Variants in WDR44 observed in about 807,000 individuals in gnomAD.
WDR44 encodes WD repeat-containing protein 44.
Under a neutral mutation model 65.7 loss-of-function variants are expected in WDR44, and 9 were observed. The observed-to-expected ratio is 0.14, with a 90% confidence interval of 0.08 to 0.24. The LOEUF (loss-of-function observed/expected upper bound fraction) is 0.24, where lower values mean the gene tolerates loss of function less well. Among genes scored for constraint, WDR44 ranks in the 10% least tolerant of loss-of-function variants. WDR44 has a pLI of 1.00. For missense variants in WDR44, 425 were observed against 670.9 expected (o/e 0.63, Z 4.05); for synonymous variants, 220 against 235.2 (o/e 0.94, Z 0.59).
intron 8 of WDR44, among the ~76,000 whole-genome samples, chrX:118,401,822 T>C (rs937171606): frequency 1.9e-4 from 20 of 104,995 alleles, no homozygotes; most frequent in Non-Finnish European, 3.9e-4. Context: ...TTTAAATCTT[T>C]AATCCATCTT....
At chrX:118,423,380 G>A (rs977014063) in intron 12 of WDR44, among the ~76,000 whole-genome samples, 15 of 111,323 alleles carry the variant, frequency 1.3e-4, no homozygotes, top group African/African-American at 4.9e-4. Flanking sequence ...TGTTGATCAG[G>A]CTGGTCTCGA....
intron 1 of WDR44, among the ~76,000 whole-genome samples, chrX:118,351,714 C>T (rs1298495267): frequency 8.1e-5 from 9 of 111,402 alleles, no homozygotes; most frequent in Non-Finnish European, 1.5e-4. Context: ...GTTTGGGAGG[C>T]TGAGGCGGGT....
At chrX:118,396,880 T>C in intron 6 of WDR44, 90 bp from the exon 7 acceptor site, 1 of 1,007,488 alleles carries the variant, frequency 9.9e-7, no homozygotes, top group Non-Finnish European at 1.3e-6. Flanking sequence ...AAAAAGCCTT[T>C]AGCTTAAATT....
chrX:118,412,044 A>G (rs2057017190), intron 12 of WDR44, among the ~76,000 whole-genome samples: 1 of 112,387 alleles, frequency 8.9e-6, no homozygotes, highest in Non-Finnish European at 1.9e-5. Flanking sequence ...GATATTCTAC[A>G]GAAGGTACTA....
intron 1 of WDR44, among the ~76,000 whole-genome samples, chrX:118,363,929 C>G (rs1260600351): frequency 2.7e-5 from 3 of 111,868 alleles, no homozygotes; most frequent in African/African-American, 9.7e-5. Context: ...GTGAAAATTT[C>G]ATTTTTATTA....
intron 12 of WDR44, among the ~76,000 whole-genome samples, chrX:118,424,345 ATATG>A (rs199633665): frequency 0.031 from 2,879 of 92,541 alleles, 143 homozygotes; most frequent in East Asian, 0.087. Flanking sequence ...ATATATATAT[ATATG>A]TATATATATA....
At chrX:118,431,933 TTCA>T (rs2057215403) in intron 12 of WDR44, among the ~76,000 whole-genome samples, 1 of 111,899 alleles carries the variant, frequency 8.9e-6, no homozygotes, top group Non-Finnish European at 1.9e-5. Flanking sequence ...TACTAATTTC[TTCA>T]TCTTTATACT....
At chrX:118,351,688 G>C (rs943910857) in intron 1 of WDR44, among the ~76,000 whole-genome samples, 20 of 111,562 alleles carry the variant, frequency 1.8e-4, no homozygotes, top group African/African-American at 6.5e-4. Flanking sequence ...CATGACTCAC[G>C]CCTGTAATCT....
intron 2 of WDR44, among the ~76,000 whole-genome samples, chrX:118,382,898 A>G (rs753093694): frequency 8.9e-6 from 1 of 112,150 alleles, no homozygotes; most frequent in African/African-American, 3.2e-5. Context: ...ATAATGGGTC[A>G]GCACATCACC....
intron 12 of WDR44, among the ~76,000 whole-genome samples, chrX:118,429,613 A>G (rs1297904333): frequency 9.0e-6 from 1 of 110,960 alleles, no homozygotes; most frequent in Non-Finnish European, 1.9e-5. Flanking sequence ...AGATAAGGAA[A>G]TAGTCAAATG....
intron 12 of WDR44, among the ~76,000 whole-genome samples, chrX:118,415,339 C>CT (rs1478417359): frequency 2.7e-5 from 3 of 111,694 alleles, no homozygotes; most frequent in African/African-American, 9.8e-5. Flanking sequence ...CTGTAGTTTT[C>CT]TTTTTTGGTT....
chrX:118,353,002 A>C (rs2056427988), intron 1 of WDR44, among the ~76,000 whole-genome samples: 1 of 112,278 alleles, frequency 8.9e-6, no homozygotes, highest in South Asian at 3.7e-4. Context: ...AAGTTAAAGT[A>C]ACAAAAATTG....
intron 12 of WDR44, among the ~76,000 whole-genome samples, chrX:118,415,963 G>A (rs1215144046): frequency 9.0e-6 from 1 of 111,584 alleles, no homozygotes; most frequent in Non-Finnish European, 1.9e-5. Flanking sequence ...TCTAGTTTAT[G>A]TGCATAAAGG....
At chrX:118,351,937 G>A (rs1237008532) in intron 1 of WDR44, among the ~76,000 whole-genome samples, 1 of 100,361 alleles carries the variant, frequency 1.0e-5, no homozygotes, top group African/African-American at 3.8e-5. Flanking sequence ...GCAAGACTCC[G>A]TCTCAAAAAT....
At position 118,387,201 on chromosome X, in the gene WDR44, A is replaced by AG. The variant is rs1465055967; in HGVS notation, c.112-139_112-138insG. On this transcript the variant is annotated intron_variant, in intron 2 of 19. Coordinates refer to ENST00000254029, the MANE Select transcript of WDR44 (RefSeq NM_019045.5). ...TGTCTCAAAAAAAAAAAAAAAAAAA[A>AG]AAGAAGAAGAAGAAATCAAAGCCCT... 9 of 319,208 alleles carry AG rather than the reference A, an allele frequency of 2.8e-5. No individual in the cohort carries two copies. In the South Asian group the frequency reaches 5.1e-4, roughly 18 times the overall value. 26.3% of individuals were successfully genotyped at this position (319,208 alleles called of 1,213,427 possible).
chrX:118,393,320 C>T (rs768728066), intron 4 of WDR44, 49 bp downstream of exon 4: 3 of 1,137,040 alleles, frequency 2.6e-6, no homozygotes, highest in Admixed American at 2.7e-5. Flanking sequence ...CAGTGGCTCA[C>T]GCCTGTAATC....
At chrX:118,381,618 G>C (rs1181579562) in intron 2 of WDR44, among the ~76,000 whole-genome samples, 1 of 98,004 alleles carries the variant, frequency 1.0e-5, no homozygotes, top group Non-Finnish European at 2.0e-5. Flanking sequence ...TGTCACCCAG[G>C]CTGGAGTGCA....
rs756602187 is a variant in WDR44 at position 118,395,581 on chromosome X, A to G, written c.1053+237A>G. On this transcript the variant is annotated intron_variant, in intron 6 of 19. Transcript: ENST00000254029. The stretch of plus-strand genomic sequence containing the variant: ...TGCTGTTACACACAAAAAAAAATAC[A>G]GAAGAAAAAATGAAAATTGAAGATT... 1.3e-4 allele frequency among the ~76,000 whole-genome samples: 15 copies of G among 111,993 alleles called. No individual in the cohort carries two copies. In the South Asian group the frequency reaches 5.2e-3, roughly 39 times the overall value.
rs774872961 is a variant in WDR44, at chrX:118,431,072, C to T, written c.1738-1709C>T. On this transcript the variant is annotated intron_variant, in intron 12 of 19. Coordinates refer to ENST00000254029, the MANE Select transcript of WDR44 (RefSeq NM_019045.5). Reference sequence around the variant, plus strand: ...AATAGTGGTAGTTTTTAATCTATCCCCATGCCACTGTCCTCATTCAAGCCC... The same window carrying T: ...AATAGTGGTAGTTTTTAATCTATCCTCATGCCACTGTCCTCATTCAAGCCC... Among the ~76,000 whole-genome samples, 5 of 111,420 alleles carry T rather than the reference C, an allele frequency of 4.5e-5. No homozygotes were observed. In the East Asian group the frequency reaches 1.4e-3, roughly 32 times the overall value.
Sources: gnomAD v4.1 joint callset for allele counts (sites outside exome capture counted in the v4.1 genomes callset) on GRCh38, gnomAD v4.1.1 for gene constraint, MANE v1.5 for transcripts, NCBI Gene and HGNC (gene_info 2026-07-23, HGNC 2026-07-21) for gene names.